Variants in APP observed in about 807,000 individuals in gnomAD.
The protein encoded by APP is amyloid beta precursor protein, also known as amyloid-beta precursor protein.
In APP, 31 loss-of-function variants were observed where a neutral mutation model predicts 101.4. That is an observed-to-expected ratio of 0.31 (90% confidence interval 0.23 to 0.41). The LOEUF is 0.41. Ranked by LOEUF, APP falls within the 10% of genes least tolerant of loss-of-function variation. The probability of loss-of-function intolerance (pLI) is 1.00; values close to 1 mark genes in which losing one functional copy is unlikely to be tolerated. For missense variants in APP, 839 were observed against 1,003.7 expected (o/e 0.84, Z 2.22); for synonymous variants, 366 against 364.4 (o/e 1.00, Z -0.05).
intron 13 of APP, among the ~76,000 whole-genome samples, chr21:25,938,468 C>T (rs1274703477): frequency 6.6e-6 from 1 of 151,526 alleles, no homozygotes; most frequent in Non-Finnish European, 1.5e-5. Context: ...ATCCCATGTT[C>T]AAGACAAATA....
chr21:26,031,192 T>C (rs2044801086), intron 5 of APP, among the ~76,000 whole-genome samples: 1 of 152,226 alleles, frequency 6.6e-6, no homozygotes. Context: ...CTCCTTCCAC[T>C]GTGTCCATAC....
chr21:26,001,312 C>T (rs1248818249), intron 6 of APP, among the ~76,000 whole-genome samples: 1 of 152,292 alleles, frequency 6.6e-6, no homozygotes, highest in Non-Finnish European at 1.5e-5. Flanking sequence ...ATAACTCTAC[C>T]TCCCATGTAT....
chr21:26,078,969 G>A (rs925810862), intron 3 of APP, among the ~76,000 whole-genome samples: 8 of 151,834 alleles, frequency 5.3e-5, no homozygotes, highest in Non-Finnish European at 1.2e-4. Context: ...CTTGAACCCA[G>A]GAGGCGGAGG....
Position 25,891,851 on chromosome 21 carries a change from ATCT to A in APP, c.2079_2081del (p.Glu693del). On this transcript the variant is annotated inframe_deletion, in exon 17 of 18. Coordinates refer to ENST00000346798, the MANE Select transcript of APP (RefSeq NM_000484.4). Reference sequence around the variant, plus strand: ...TGATTGCACCTTTGTTTGAACCCACATCTTCTGCAAAGAACACCTTGAAAACAA... The same window carrying A: ...TGATTGCACCTTTGTTTGAACCCACATCTGCAAAGAACACCTTGAAAACAA... The A allele has an allele frequency of 1.2e-6, 2 of 1,614,092 alleles. No homozygotes were observed. Among genetic ancestry groups the A allele is most frequent in the East Asian group, 4.5e-5 (2 of 44,880 alleles).
intron 1 of APP, among the ~76,000 whole-genome samples, 189 bp from the exon 2 acceptor site, chr21:26,112,335 C>T (rs1425029451): frequency 6.6e-6 from 1 of 152,172 alleles, no homozygotes; most frequent in Non-Finnish European, 1.5e-5. Flanking sequence ...ACCTATAAGG[C>T]AATGCTTTCT....
At chr21:26,018,875 T>C (rs1014778845) in intron 6 of APP, among the ~76,000 whole-genome samples, 2 of 152,254 alleles carry the variant, frequency 1.3e-5, no homozygotes, top group East Asian at 3.8e-4. Flanking sequence ...TGAAATTCTT[T>C]TAACTGCCTT....
chr21:25,881,276 C>T lies in APP; in HGVS notation c.*394G>A. The T allele has an allele frequency of 3.8e-6, 1 of 263,948 alleles. No individual in the cohort carries two copies. The highest frequency in any genetic ancestry group is 4.5e-5 in the South Asian group (1 of 22,146). The allele number at this position is 263,948 out of a possible 1,614,324, so 16.4% of individuals were successfully genotyped here. ...AACTCCCACGTTCACATGAAGCATC[C>T]CCCATCGATTCTTAAAGCATATGTA... is the stretch of plus-strand genomic sequence containing the variant. On this transcript the variant is annotated 3_prime_UTR_variant, in exon 18 of 18. Coordinates refer to ENST00000346798, the MANE Select transcript of APP (RefSeq NM_000484.4).
intron 3 of APP, among the ~76,000 whole-genome samples, chr21:26,062,125 T>A (rs1164495207): frequency 6.6e-6 from 1 of 150,558 alleles, no homozygotes; most frequent in Admixed American, 6.6e-5. Flanking sequence ...CCGAAGAATC[T>A]CCCGAACCAG....
intron 1 of APP, among the ~76,000 whole-genome samples, chr21:26,125,591 G>A (rs1454419392): frequency 1.3e-5 from 2 of 151,866 alleles, no homozygotes; most frequent in Non-Finnish European, 2.9e-5. Flanking sequence ...GTGTTTAGGG[G>A]GTGAGTCTAG....
Position 25,911,636 on chromosome 21 carries a change from T to C in APP, c.1909+105A>G. The C allele has an allele frequency of 3.9e-6, 4 of 1,031,010 alleles. No individual in the cohort carries two copies. The South Asian group carries it at 5.8e-5, about 15-fold the overall frequency. The allele number at this position is 1,031,010 out of a possible 1,614,324, so 63.9% of individuals were successfully genotyped here. A position where few individuals can be genotyped will look rare whatever the true frequency, so the allele number is the denominator to read the frequency against. Reference sequence around the variant, plus strand: ...TATTTATGACTACATCAAAAAAAATTCACCACTCAAGAACATACAAAAGAT... The same window carrying C: ...TATTTATGACTACATCAAAAAAAATCCACCACTCAAGAACATACAAAAGAT... On this transcript the variant is annotated intron_variant, in intron 14 of 17. Transcript: ENST00000346798.
chr21:26,140,052 AG>A lies in APP; in HGVS notation c.58-27907del, dbSNP rs1194198993. On this transcript the variant is annotated intron_variant, in intron 1 of 17. Coordinates refer to ENST00000346798, the MANE Select transcript of APP (RefSeq NM_000484.4). ...CTTCATCCCTACTTTGGTCACAATA[AG>A]TAACATTGTACTTTTGAAAGATATT... 3.1e-6 allele frequency: 3 copies of A among 962,020 alleles called. No individual in the cohort carries two copies. The East Asian group carries it at 7.9e-5, about 25-fold the overall frequency. The allele number at this position is 962,020 out of a possible 1,614,324, so 59.6% of individuals were successfully genotyped here. A position where few individuals can be genotyped will look rare whatever the true frequency, so the allele number is the denominator to read the frequency against.
At chr21:25,910,127 ATTTAT>A (rs1431978320) in intron 14 of APP, among the ~76,000 whole-genome samples, 1 of 151,772 alleles carries the variant, frequency 6.6e-6, no homozygotes, top group Non-Finnish European at 1.5e-5. Flanking sequence ...TTTTTACTTT[ATTTAT>A]TTATTTTTTT....
intron 6 of APP, among the ~76,000 whole-genome samples, chr21:26,006,574 C>T (rs1240995757): frequency 1.3e-5 from 2 of 152,142 alleles, no homozygotes; most frequent in South Asian, 2.1e-4. Context: ...CTGGATTATA[C>T]AAAATGATTA....
At chr21:25,957,416 G>A (rs2041369767) in intron 11 of APP, among the ~76,000 whole-genome samples, 1 of 152,218 alleles carries the variant, frequency 6.6e-6, no homozygotes, top group Admixed American at 6.5e-5. Flanking sequence ...TGTTGATTGT[G>A]AAGGATATTT....
At chr21:26,006,832 G>T (rs370000335) in intron 6 of APP, among the ~76,000 whole-genome samples, 1 of 152,048 alleles carries the variant, frequency 6.6e-6, no homozygotes, top group South Asian at 2.1e-4. Context: ...CAAATAATTC[G>T]CTGTAAATAA....
chr21:26,142,777 A>AC (rs1340976321), intron 1 of APP, among the ~76,000 whole-genome samples: 3 of 150,960 alleles, frequency 2.0e-5, no homozygotes, highest in South Asian at 2.1e-4. Flanking sequence ...TCAAAAAAAA[A>AC]GTAAAGAAAA....
At chr21:26,114,210 C>T (rs991378791) in intron 1 of APP, among the ~76,000 whole-genome samples, 1 of 152,206 alleles carries the variant, frequency 6.6e-6, no homozygotes, top group Non-Finnish European at 1.5e-5. Context: ...CTAAGGAAAG[C>T]GTTCTACCTT....
At chr21:26,099,978 G>A (rs1465862563) in intron 2 of APP, among the ~76,000 whole-genome samples, 1 of 152,160 alleles carries the variant, frequency 6.6e-6, no homozygotes, top group African/African-American at 2.4e-5. Flanking sequence ...TTCATACTCA[G>A]AGTTGGAAAA....
intron 3 of APP, among the ~76,000 whole-genome samples, chr21:26,055,049 G>C (rs1468895272): frequency 6.6e-6 from 1 of 152,140 alleles, no homozygotes; most frequent in Non-Finnish European, 1.5e-5. Flanking sequence ...GGGAGAATAA[G>C]CACTGTATCT....
Sources: gnomAD v4.1 joint callset for allele counts (sites outside exome capture counted in the v4.1 genomes callset) on GRCh38, gnomAD v4.1.1 for gene constraint, MANE v1.5 for transcripts, NCBI Gene and HGNC (gene_info 2026-07-23, HGNC 2026-07-21) for gene names.